KIAA1328: variants seen among roughly 807,000 people sequenced by gnomAD.
The protein encoded by KIAA1328 is KIAA1328.
KIAA1328 carries 52 observed loss-of-function variants against 68.1 expected under a neutral mutation model. The observed-to-expected ratio is 0.76, with a 90% CI of 0.61 to 0.96. The LOEUF (loss-of-function observed/expected upper bound fraction) is 0.96. Ranked by LOEUF, KIAA1328 falls within the 40% of genes least tolerant of loss-of-function variation. KIAA1328 has a pLI of 0.00. For synonymous variants in KIAA1328, 232 were observed against 239.4 expected, an observed-to-expected ratio of 0.97 and a Z score of 0.28; for missense variants, 641 against 677.6, an observed-to-expected ratio of 0.95 and a Z score of 0.60.
At chr18:37,229,509 C>T, downstream of KIAA1328, 1 of 1,230,694 alleles carries the variant, frequency 8.1e-7, no homozygotes, top group Non-Finnish European at 1.0e-6. Flanking sequence ...AGAATTCAGA[C>T]TCAGAAACTG....
chr18:36,849,551 A>G (rs1315475547), intron 4 of KIAA1328, among the ~76,000 whole-genome samples: 1 of 152,054 alleles, frequency 6.6e-6, no homozygotes, highest in Admixed American at 6.6e-5. Context: ...TCTTTCTATT[A>G]GAATAATTTC....
chr18:37,038,852 T>G (rs1198469637), intron 6 of KIAA1328, among the ~76,000 whole-genome samples: 1 of 152,140 alleles, frequency 6.6e-6, no homozygotes, highest in African/African-American at 2.4e-5. Context: ...CAGCTGCAGG[T>G]TTTTTATAGA....
chr18:37,007,073 T>G (rs1568282955), intron 6 of KIAA1328, among the ~76,000 whole-genome samples: 1 of 152,190 alleles, frequency 6.6e-6, no homozygotes, highest in Non-Finnish European at 1.5e-5. Context: ...CAGCACCAGC[T>G]GTCTTCCTCC....
At position 37,067,227 on chromosome 18, in the gene KIAA1328, G is replaced by C. The variant is rs769325693; in HGVS notation, c.914G>C (p.Cys305Ser). The change falls in exon 7 of 10, where the codon TGC becomes TCC. Residue 305 changes from cysteine (C) to serine (S), a missense_variant. Coordinates refer to ENST00000280020, the MANE Select transcript of KIAA1328 (RefSeq NM_020776.3). ...CPHLKPTPSQ[C>S]CGHRLAADRV... ...CATCTTAAGCCTACTCCTAGTCAAT[G>C]CTGTGGTCATAGACTTGCTGCAGAT... The C allele has an allele frequency of 1.2e-6, 2 of 1,614,002 alleles. No homozygotes were observed. Among genetic ancestry groups the C allele is most frequent in the South Asian group, 2.2e-5 (2 of 91,082 alleles).
intron 7 of KIAA1328, among the ~76,000 whole-genome samples, chr18:37,096,780 G>A (rs1195065648): frequency 1.3e-5 from 2 of 152,252 alleles, no homozygotes; most frequent in East Asian, 1.9e-4. Flanking sequence ...CTGGGGTGAG[G>A]TGGTATCTCA....
chr18:36,913,236 G>T (rs2049527413), intron 5 of KIAA1328, among the ~76,000 whole-genome samples: 1 of 151,696 alleles, frequency 6.6e-6, no homozygotes, highest in Admixed American at 6.6e-5. Flanking sequence ...AGAACTTTTG[G>T]GGCCTAGTAC....
intron 6 of KIAA1328, among the ~76,000 whole-genome samples, chr18:37,002,534 C>G (rs8088359): frequency 0.6 from 90,385 of 151,388 alleles, 28,797 homozygotes; most frequent in East Asian, 0.87. Context: ...CAGTAATGAT[C>G]TAGTATACTA....
intron 6 of KIAA1328, among the ~76,000 whole-genome samples, chr18:36,970,204 C>T (rs2052128099): frequency 6.6e-6 from 1 of 152,170 alleles, no homozygotes; most frequent in Non-Finnish European, 1.5e-5. Context: ...AATGACAAAA[C>T]CACATGATTA....
chr18:36,841,845 G>A (rs2046869580), intron 3 of KIAA1328, among the ~76,000 whole-genome samples: 1 of 152,034 alleles, frequency 6.6e-6, no homozygotes, highest in Non-Finnish European at 1.5e-5. Flanking sequence ...TATATATTTG[G>A]AACTTTATAT....
chr18:37,084,138 G>T (rs903096634), intron 7 of KIAA1328: 5 of 1,494,018 alleles, frequency 3.3e-6, no homozygotes, highest in Non-Finnish European at 4.4e-6. Flanking sequence ...AAAAGCTCAG[G>T]CTCTGTTTAA....
At chr18:36,985,070 G>A (rs902036727) in intron 6 of KIAA1328, among the ~76,000 whole-genome samples, 9 of 152,084 alleles carry the variant, frequency 5.9e-5, no homozygotes, top group African/African-American at 2.2e-4. Flanking sequence ...GGGAGGCCAA[G>A]GCAGGAGGAT....
chr18:36,906,574 G>A (rs2151052179), intron 5 of KIAA1328, among the ~76,000 whole-genome samples: 1 of 152,084 alleles, frequency 6.6e-6, no homozygotes, highest in African/African-American at 2.4e-5. Context: ...ATATACCATA[G>A]TTTGCTATTC....
intron 9 of KIAA1328, among the ~76,000 whole-genome samples, chr18:37,191,174 A>G (rs1380238272): frequency 6.6e-6 from 1 of 152,174 alleles, no homozygotes; most frequent in Non-Finnish European, 1.5e-5. Context: ...TTTTCTTAGC[A>G]TCAGTAAAGC....
At chr18:36,846,687 A>G (rs988393648) in intron 4 of KIAA1328, among the ~76,000 whole-genome samples, 2 of 151,540 alleles carry the variant, frequency 1.3e-5, no homozygotes, top group African/African-American at 4.8e-5. Context: ...AGTTTTACAT[A>G]TTCTGGCACA....
intron 6 of KIAA1328, among the ~76,000 whole-genome samples, chr18:36,998,184 G>T (rs1212692669): frequency 6.6e-6 from 1 of 152,114 alleles, no homozygotes; most frequent in Non-Finnish European, 1.5e-5. Context: ...CCTGGGGGTT[G>T]CCCAACCCAA....
chr18:37,101,645 C>G (rs1463026469), intron 7 of KIAA1328, among the ~76,000 whole-genome samples: 2 of 152,146 alleles, frequency 1.3e-5, no homozygotes, highest in African/African-American at 4.8e-5. Context: ...GGCCAACATT[C>G]AAATTCAGGA....
intron 1 of KIAA1328, chr18:36,834,062 A>T (rs1010502067): frequency 6.7e-6 from 3 of 450,762 alleles, no homozygotes; most frequent in Non-Finnish European, 1.0e-5. Context: ...ACCTTCCAAG[A>T]TTTTTATAAG....
chr18:36,883,134 T>G (rs1401089119), intron 4 of KIAA1328, among the ~76,000 whole-genome samples: 1 of 152,222 alleles, frequency 6.6e-6, no homozygotes, highest in African/African-American at 2.4e-5. Flanking sequence ...ATTTTACCAT[T>G]CTAAACTGGG....
At chr18:37,113,119 G>A (rs917988038) in intron 7 of KIAA1328, among the ~76,000 whole-genome samples, 2 of 152,126 alleles carry the variant, frequency 1.3e-5, no homozygotes, top group Admixed American at 6.5e-5. Context: ...CCCCAACCTA[G>A]CAAGGCAGGC....
Sources: gnomAD v4.1 joint callset for allele counts (sites outside exome capture counted in the v4.1 genomes callset) on GRCh38, gnomAD v4.1.1 for gene constraint, MANE v1.5 for transcripts, NCBI Gene and HGNC (gene_info 2026-07-23, HGNC 2026-07-21) for gene names.